The following CHST9 variants were observed in gnomAD, a reference collection of about 807,000 sequenced individuals.
CHST9 encodes GalNAc-4-sulfotransferase 2.
In CHST9, 41 loss-of-function variants were observed where a neutral mutation model predicts 44.4. That is an observed-to-expected ratio of 0.92 (90% CI 0.72 to 1.20). CHST9 has a LOEUF of 1.20. Among genes scored for constraint, CHST9 ranks in the 50% most tolerant of loss-of-function variants. The pLI, the probability that CHST9 is intolerant of heterozygous loss-of-function variation, is 0.00. For missense variants in CHST9, 504 were observed against 516.5 expected (o/e 0.98, Z 0.23); for synonymous variants, 171 against 178.4 (o/e 0.96, Z 0.33).
At chr18:27,081,220 C>T (rs564030462) in intron 2 of CHST9, among the ~76,000 whole-genome samples, 2 of 152,140 alleles carry the variant, frequency 1.3e-5, no homozygotes, top group South Asian at 4.2e-4. Flanking sequence ...TGCCTGTAGT[C>T]CCAGCTACCC....
chr18:27,077,711 T>G (rs370143290), intron 2 of CHST9, among the ~76,000 whole-genome samples: 4 of 152,226 alleles, frequency 2.6e-5, no homozygotes, highest in African/African-American at 7.2e-5. Flanking sequence ...GGAAAACTTA[T>G]AACTTGCCAA....
At chr18:27,162,976 A>G (rs2058760257) in intron 1 of CHST9, among the ~76,000 whole-genome samples, 1 of 152,112 alleles carries the variant, frequency 6.6e-6, no homozygotes, top group African/African-American at 2.4e-5. Context: ...ATGGTGACGT[A>G]CAGATGGGGT....
chr18:27,051,543 G>A (rs889587679), intron 2 of CHST9, among the ~76,000 whole-genome samples: 1 of 152,148 alleles, frequency 6.6e-6, no homozygotes, highest in Non-Finnish European at 1.5e-5. Context: ...CATGTGGCAT[G>A]GAACTGAGGC....
intron 1 of CHST9, among the ~76,000 whole-genome samples, chr18:27,167,926 G>A (rs1255710248): frequency 6.6e-6 from 1 of 152,118 alleles, no homozygotes; most frequent in Non-Finnish European, 1.5e-5. Flanking sequence ...AAATAAGACA[G>A]TATGGCTGGA....
intron 2 of CHST9, among the ~76,000 whole-genome samples, chr18:27,138,802 C>T (rs974999104): frequency 2.6e-5 from 4 of 151,716 alleles, no homozygotes; most frequent in Admixed American, 2.6e-4. Context: ...GAAATTTGCC[C>T]AGGGTTACAA....
chr18:27,136,861 T>C (rs1308561545), intron 2 of CHST9, among the ~76,000 whole-genome samples: 1 of 152,190 alleles, frequency 6.6e-6, no homozygotes, highest in Non-Finnish European at 1.5e-5. Flanking sequence ...GTAGGCTACA[T>C]TGAGGAAATG....
intron 4 of CHST9, among the ~76,000 whole-genome samples, chr18:26,962,447 T>A (rs1354192388): frequency 1.3e-5 from 2 of 152,004 alleles, no homozygotes; most frequent in East Asian, 3.9e-4. Flanking sequence ...TCTGCCACCA[T>A]GCCCGGCTAG....
At chr18:26,998,002 T>A (rs2056905492) in intron 4 of CHST9, among the ~76,000 whole-genome samples, 1 of 152,224 alleles carries the variant, frequency 6.6e-6, no homozygotes, top group East Asian at 1.9e-4. Context: ...GCTAGTAATT[T>A]TGCATCTTTT....
At chr18:26,966,432 T>C (rs1445835214) in intron 4 of CHST9, among the ~76,000 whole-genome samples, 1 of 152,206 alleles carries the variant, frequency 6.6e-6, no homozygotes, top group East Asian at 1.9e-4. Context: ...AATAATAATC[T>C]AGATCTTTGG....
chr18:27,157,255 T>C (rs1268868356), intron 1 of CHST9, among the ~76,000 whole-genome samples: 1 of 136,706 alleles, frequency 7.3e-6, no homozygotes, highest in African/African-American at 2.5e-5. Context: ...GTAGTGTGTC[T>C]TTTATAGAAA....
chr18:27,166,109 T>C (rs1464178965), intron 1 of CHST9, among the ~76,000 whole-genome samples: 1 of 152,130 alleles, frequency 6.6e-6, no homozygotes, highest in Non-Finnish European at 1.5e-5. Flanking sequence ...TCCCCTTCTT[T>C]CTCTTCTCTG....
At chr18:27,045,944 A>C (rs1181395089) in intron 3 of CHST9, among the ~76,000 whole-genome samples, 3 of 152,076 alleles carry the variant, frequency 2.0e-5, no homozygotes, top group African/African-American at 7.2e-5. Flanking sequence ...AAATTAGTGT[A>C]ATCTTTGGAA....
intron 4 of CHST9, among the ~76,000 whole-genome samples, chr18:26,981,603 C>G (rs2056692789): frequency 6.6e-6 from 1 of 152,196 alleles, no homozygotes; most frequent in Non-Finnish European, 1.5e-5. Context: ...TTCCAACCCT[C>G]AGGGCTTGCC....
chr18:27,011,408 C>T (rs951457180), intron 4 of CHST9, among the ~76,000 whole-genome samples: 13 of 151,982 alleles, frequency 8.6e-5, no homozygotes, highest in South Asian at 2.1e-4. Flanking sequence ...TAAGGGATGC[C>T]GCCCAGGCAG....
intron 4 of CHST9, among the ~76,000 whole-genome samples, chr18:26,956,166 G>A (rs954139535): frequency 6.6e-6 from 1 of 151,360 alleles, no homozygotes; most frequent in African/African-American, 2.4e-5. Context: ...CTAAAAATTA[G>A]CTGGGTGTGG....
intron 4 of CHST9, among the ~76,000 whole-genome samples, chr18:27,001,303 T>G (rs143580284): frequency 6.2e-4 from 94 of 152,240 alleles, no homozygotes; most frequent in African/African-American, 2.1e-3. Flanking sequence ...GGAAGAGAAA[T>G]AATTCTATTC....
At chr18:26,949,095 G>C (rs1568104956) in intron 4 of CHST9, among the ~76,000 whole-genome samples, 2 of 152,092 alleles carry the variant, frequency 1.3e-5, no homozygotes, top group African/African-American at 4.8e-5. Flanking sequence ...TGAATTGAGT[G>C]GTGGTGTGGA....
At chr18:26,954,551 T>A (rs575836270) in intron 4 of CHST9, among the ~76,000 whole-genome samples, 1 of 152,156 alleles carries the variant, frequency 6.6e-6, no homozygotes, top group South Asian at 2.1e-4. Context: ...CTTTCTACCC[T>A]CCATCTACTC....
rs747751233 is a variant in CHST9, at chr18:26,916,359, C to T, written c.1232G>A (p.Arg411Lys). ...TCTAGTCAGATCCTTTAAATACTGTCTCACGACTTGAGCATTGGTTCTTTC... is the reference window on the plus strand; with the variant it reads ...TCTAGTCAGATCCTTTAAATACTGTTTCACGACTTGAGCATTGGTTCTTTC... ...SDERTNAQVVRQYLKDLTRTE... is the reference protein window; with the variant it reads ...SDERTNAQVVKQYLKDLTRTE... The change falls in exon 6 of 6, where the codon AGA becomes AAA. Residue 411 changes from arginine to lysine, a missense_variant. Transcript: ENST00000618847. 6.8e-6 allele frequency: 11 copies of T among 1,613,526 alleles called. No homozygotes were observed. In the Admixed American group the frequency reaches 1.3e-4, roughly 20 times the overall value.
Sources: gnomAD v4.1 joint callset for allele counts (sites outside exome capture counted in the v4.1 genomes callset) on GRCh38, gnomAD v4.1.1 for gene constraint, MANE v1.5 for transcripts, NCBI Gene and HGNC (gene_info 2026-07-23, HGNC 2026-07-21) for gene names.